The following WWOX variants were observed in gnomAD, a reference collection of about 807,000 sequenced individuals.
WWOX encodes the protein WW domain-containing oxidoreductase.
In WWOX, 69 loss-of-function variants were observed where a neutral mutation model predicts 46.2. The ratio of observed to expected loss-of-function variants is 1.49; its 90% CI spans 1.23 to 1.82. The LOEUF is 1.82. Ranked by LOEUF, WWOX falls within the 40% of genes most tolerant of loss-of-function variation. The pLI is 0.00. For synonymous variants in WWOX, 359 were observed against 202.6 expected, an observed-to-expected ratio of 1.77 and a Z score of -6.56; for missense variants, 919 against 542.6, an observed-to-expected ratio of 1.69 and a Z score of -6.89.
chr16:78,494,318 C>T (rs1350299271), intron 8 of WWOX, among the ~76,000 whole-genome samples: 2 of 152,162 alleles, frequency 1.3e-5, no homozygotes, highest in East Asian at 1.9e-4. Context: ...CCTTCTCCAA[C>T]ACAGGGATTA....
At chr16:78,608,101 T>C (rs1397874510) in intron 8 of WWOX, among the ~76,000 whole-genome samples, 3 of 152,200 alleles carry the variant, frequency 2.0e-5, no homozygotes, top group African/African-American at 4.8e-5. Context: ...TGATATGATG[T>C]GATGTGGCTT....
At chr16:78,215,706 T>A (rs2036696462) in intron 5 of WWOX, among the ~76,000 whole-genome samples, 1 of 152,070 alleles carries the variant, frequency 6.6e-6, no homozygotes, top group South Asian at 2.1e-4. Flanking sequence ...GGCAGATGGA[T>A]CACTTGAGGT....
intron 8 of WWOX, among the ~76,000 whole-genome samples, chr16:78,841,508 G>A: frequency 6.6e-6 from 1 of 152,196 alleles, no homozygotes; most frequent in African/African-American, 2.4e-5. Context: ...TAATAAGGAT[G>A]ATTGTTTTAG....
chr16:78,550,491 C>A (rs2044147700), intron 8 of WWOX, among the ~76,000 whole-genome samples: 1 of 152,184 alleles, frequency 6.6e-6, no homozygotes, highest in Admixed American at 6.5e-5. Context: ...GGCCTCTGGT[C>A]AAGAGCACTT....
intron 8 of WWOX, among the ~76,000 whole-genome samples, chr16:78,831,676 T>C (rs757828955): frequency 6.6e-5 from 10 of 152,158 alleles, no homozygotes; most frequent in Non-Finnish European, 1.0e-4. Context: ...ACTATTTCCA[T>C]TGAGAAGAAG....
chr16:78,992,113 G>T (rs1332933602), intron 8 of WWOX, among the ~76,000 whole-genome samples: 1 of 152,128 alleles, frequency 6.6e-6, no homozygotes, highest in African/African-American at 2.4e-5. Context: ...TACTAAAGAT[G>T]TAGCAATGAG....
intron 5 of WWOX, among the ~76,000 whole-genome samples, chr16:78,368,170 A>G (rs1415741669): frequency 6.6e-6 from 1 of 152,220 alleles, no homozygotes; most frequent in Admixed American, 6.5e-5. Context: ...GTAGCGTAGA[A>G]TAAGGCCATG....
At chr16:78,946,459 A>G (rs1394274156) in intron 8 of WWOX, among the ~76,000 whole-genome samples, 44 of 152,118 alleles carry the variant, frequency 2.9e-4, no homozygotes, top group Admixed American at 2.8e-3. Context: ...CCAGAGTGCT[A>G]GGATTAAAGG....
intron 8 of WWOX, among the ~76,000 whole-genome samples, chr16:78,789,853 C>T (rs1363801270): frequency 6.6e-6 from 1 of 152,102 alleles, no homozygotes; most frequent in South Asian, 2.1e-4. Context: ...TTCCTGTGAC[C>T]ATATGGCAGC....
intron 8 of WWOX, among the ~76,000 whole-genome samples, chr16:78,911,475 C>A (rs958826569): frequency 3.3e-5 from 5 of 151,882 alleles, no homozygotes; most frequent in Non-Finnish European, 5.9e-5. Flanking sequence ...GTGAAAGATT[C>A]AGAAGTTGAA....
intron 8 of WWOX, among the ~76,000 whole-genome samples, chr16:78,958,874 T>A (rs1219348747): frequency 1.3e-5 from 2 of 152,134 alleles, no homozygotes; most frequent in East Asian, 1.9e-4. Context: ...GAAAAAAACA[T>A]GTTTGTTGCA....
At chr16:78,700,804 A>G (rs2048198855) in intron 8 of WWOX, among the ~76,000 whole-genome samples, 1 of 152,216 alleles carries the variant, frequency 6.6e-6, no homozygotes, top group Admixed American at 6.5e-5. Flanking sequence ...TGCTTAGTGA[A>G]TATTTATTGA....
chr16:78,865,933 T>C (rs1197196330), intron 8 of WWOX, among the ~76,000 whole-genome samples: 1 of 152,182 alleles, frequency 6.6e-6, no homozygotes, highest in Non-Finnish European at 1.5e-5. Flanking sequence ...ACAAATCATA[T>C]CTGTGATTGT....
intron 8 of WWOX, among the ~76,000 whole-genome samples, chr16:78,565,942 A>G (rs147962689): frequency 6.2e-5 from 8 of 129,050 alleles, no homozygotes; most frequent in African/African-American, 1.8e-4. Flanking sequence ...TATTCATACA[A>G]TGGCGATTGT....
intron 5 of WWOX, among the ~76,000 whole-genome samples, chr16:78,375,959 T>C (rs1260334257): frequency 1.3e-5 from 2 of 151,988 alleles, no homozygotes; most frequent in African/African-American, 4.8e-5. Flanking sequence ...CAAGTGGTTC[T>C]TCTGCCTCAG....
At chr16:78,616,618 A>G (rs1415088055) in intron 8 of WWOX, among the ~76,000 whole-genome samples, 1 of 150,728 alleles carries the variant, frequency 6.6e-6, no homozygotes, top group Non-Finnish European at 1.5e-5. Context: ...AAAACTAAAA[A>G]CTTAGCCAGG....
At chr16:79,009,125 C>G (rs967697745) in intron 8 of WWOX, among the ~76,000 whole-genome samples, 4 of 152,196 alleles carry the variant, frequency 2.6e-5, no homozygotes, top group Non-Finnish European at 4.4e-5. Flanking sequence ...CCCTTCCAGG[C>G]TTAATGGATG....
At chr16:78,332,791 G>A (rs2080791915) in intron 5 of WWOX, among the ~76,000 whole-genome samples, 1 of 152,044 alleles carries the variant, frequency 6.6e-6, no homozygotes. Flanking sequence ...ACTAACATGG[G>A]TTCCACAGGA....
intron 8 of WWOX, among the ~76,000 whole-genome samples, chr16:78,629,675 C>G (rs1017004158): frequency 2.6e-5 from 4 of 152,216 alleles, no homozygotes; most frequent in African/African-American, 7.2e-5. Flanking sequence ...AGGCTCTTGT[C>G]TCTGGCTAGA....
Sources: allele counts gnomAD v4.1 joint callset (sites outside exome capture counted in the v4.1 genomes callset), GRCh38; gene constraint gnomAD v4.1.1; transcripts MANE v1.5; gene names NCBI Gene and HGNC (gene_info 2026-07-23, HGNC 2026-07-21).